LUZP2: variants seen among roughly 807,000 people sequenced by gnomAD.
The protein encoded by LUZP2 is leucine zipper protein 2.
Under a neutral mutation model 51.6 loss-of-function variants are expected in LUZP2, and 52 were observed. That is an observed-to-expected ratio of 1.01 (90% CI 0.81 to 1.27). The LOEUF (loss-of-function observed/expected upper bound fraction) is 1.27, where lower values mean the gene tolerates loss of function less well. LUZP2 is among the 50% of genes most tolerant of loss of function. LUZP2 has a pLI of 0.00. For missense variants in LUZP2, 436 were observed against 395.4 expected, an observed-to-expected ratio of 1.10 and a Z score of -0.87; for synonymous variants, 154 against 137.3, an observed-to-expected ratio of 1.12 and a Z score of -0.85.
chr11:24,543,518 T>TA (rs1326061501), intron 1 of LUZP2, among the ~76,000 whole-genome samples: 1 of 152,030 alleles, frequency 6.6e-6, no homozygotes, highest in Non-Finnish European at 1.5e-5. Context: ...CCTTGAGACA[T>TA]ACAGTTTGTA....
At chr11:24,956,725 G>A (rs970607565) in intron 7 of LUZP2, among the ~76,000 whole-genome samples, 1 of 152,000 alleles carries the variant, frequency 6.6e-6, no homozygotes, top group African/African-American at 2.4e-5. Flanking sequence ...GAGAAGGCTG[G>A]GAAGTAGTGA....
chr11:24,968,206 C>A (rs1247629635), intron 7 of LUZP2, among the ~76,000 whole-genome samples: 1 of 151,924 alleles, frequency 6.6e-6, no homozygotes, highest in Non-Finnish European at 1.5e-5. Flanking sequence ...TGAAATAGGC[C>A]TTATTCTAGG....
intron 1 of LUZP2, among the ~76,000 whole-genome samples, chr11:24,602,206 G>GTATATATGTATATATGTACATATA (rs1853722782): frequency 1.5e-5 from 1 of 67,710 alleles, no homozygotes; most frequent in African/African-American, 5.3e-5. Context: ...GTACATATAT[G>GTATATATGTATATATGTACATATA]TGTATATATG....
At chr11:24,637,441 A>G (rs1855142289) in intron 1 of LUZP2, among the ~76,000 whole-genome samples, 1 of 151,824 alleles carries the variant, frequency 6.6e-6, no homozygotes, top group South Asian at 2.1e-4. Context: ...ACAGAATAAC[A>G]GCTATTTTCA....
chr11:24,807,293 G>C (rs1057210456), intron 5 of LUZP2, among the ~76,000 whole-genome samples: 4 of 151,800 alleles, frequency 2.6e-5, no homozygotes, highest in African/African-American at 9.7e-5. Context: ...GTGAAACACT[G>C]TCTCTACTAA....
chr11:25,070,594 A>C (rs1859127348), intron 10 of LUZP2, among the ~76,000 whole-genome samples: 1 of 152,012 alleles, frequency 6.6e-6, no homozygotes, highest in Admixed American at 6.6e-5. Flanking sequence ...GCATCTTAGA[A>C]TCCTGCCTGT....
intron 7 of LUZP2, among the ~76,000 whole-genome samples, chr11:24,924,315 T>A (rs1854164236): frequency 6.6e-6 from 1 of 152,020 alleles, no homozygotes; most frequent in Admixed American, 6.5e-5. Context: ...TGACCTCAGG[T>A]GATCTGCCCG....
intron 5 of LUZP2, among the ~76,000 whole-genome samples, chr11:24,769,301 T>C (rs1019661327): frequency 6.6e-6 from 1 of 152,144 alleles, no homozygotes; most frequent in Non-Finnish European, 1.5e-5. Context: ...GTAGGAGAAA[T>C]AAGTTCTGCG....
rs574410492 is a variant in LUZP2 at position 24,930,816 on chromosome 11, G to A, written c.522+16278G>A. Among the ~76,000 whole-genome samples, 4 of 152,210 alleles carry A rather than the reference G, an allele frequency of 2.6e-5. No homozygotes were observed. In the East Asian group the frequency reaches 5.8e-4, roughly 22 times the overall value. On this transcript the variant is annotated intron_variant, in intron 7 of 11. Transcript: ENST00000336930. ...TTTCCTCAATTATTGCCTTAAATAT[G>A]TTTTCTAAACTTATAGATTTCTTTT... is the stretch of plus-strand genomic sequence containing the variant.
chr11:24,981,293 A>G (rs1406278234), intron 8 of LUZP2, among the ~76,000 whole-genome samples: 1 of 151,778 alleles, frequency 6.6e-6, no homozygotes, highest in African/African-American at 2.4e-5. Flanking sequence ...TTTTTAGACC[A>G]TATAGGGTAA....
intron 1 of LUZP2, among the ~76,000 whole-genome samples, chr11:24,650,257 A>G (rs1272475989): frequency 1.3e-5 from 2 of 152,042 alleles, no homozygotes; most frequent in Non-Finnish European, 2.9e-5. Flanking sequence ...AAAAATATCT[A>G]TAGTGTTATT....
intron 5 of LUZP2, among the ~76,000 whole-genome samples, chr11:24,836,632 C>T (rs991203005): frequency 7.9e-5 from 12 of 151,742 alleles, no homozygotes; most frequent in Non-Finnish European, 1.6e-4. Context: ...CAAGAAGATA[C>T]ATCACAATAG....
At chr11:24,597,566 A>G (rs954601757) in intron 1 of LUZP2, among the ~76,000 whole-genome samples, 2 of 152,220 alleles carry the variant, frequency 1.3e-5, no homozygotes, top group Admixed American at 1.3e-4. Flanking sequence ...TGCTTCCAGA[A>G]GATAATAACT....
chr11:24,595,691 A>T (rs764131149), intron 1 of LUZP2, among the ~76,000 whole-genome samples: 14 of 152,228 alleles, frequency 9.2e-5, no homozygotes, highest in Admixed American at 3.9e-4. Flanking sequence ...TGAAGCTAGG[A>T]TCAGAACATT....
chr11:24,973,585 T>C (rs369000379), intron 7 of LUZP2, among the ~76,000 whole-genome samples: 1 of 152,026 alleles, frequency 6.6e-6, no homozygotes, highest in South Asian at 2.1e-4. Context: ...TTTGGTGCTA[T>C]AAATTTCCTT....
In LUZP2 at chr11:24,649,669, G is replaced by C. The variant is rs1033980206; in HGVS notation, c.63-79500G>C. 4.0e-5 allele frequency among the ~76,000 whole-genome samples: 6 copies of C among 151,788 alleles called. No homozygotes were observed. The East Asian group carries it at 1.2e-3, about 29-fold the overall frequency. On this transcript the variant is annotated intron_variant, in intron 1 of 11. Coordinates refer to ENST00000336930, the MANE Select transcript of LUZP2 (RefSeq NM_001009909.4). ...TACTGTGCCTTCAGTAATAGCGATA[G>C]GTGTTATAACCTGAATCGGGAGTTT...
At chr11:24,801,835 T>C (rs554166504) in intron 5 of LUZP2, among the ~76,000 whole-genome samples, 10 of 151,266 alleles carry the variant, frequency 6.6e-5, no homozygotes, top group Non-Finnish European at 1.3e-4. Context: ...TACCACTTAA[T>C]AGCTGTCCCA....
In LUZP2 at chr11:24,705,882, G is replaced by A. The variant is rs74697533; in HGVS notation, c.63-23287G>A. ...ATGCAAATTGAAAATATGACAAACC[G>A]GCTACTCAAAATTCCAGCAATGGAA... On this transcript the variant is annotated intron_variant, in intron 1 of 11. Coordinates refer to ENST00000336930, the MANE Select transcript of LUZP2 (RefSeq NM_001009909.4). Among the ~76,000 whole-genome samples, 831 of 150,894 alleles carry A rather than the reference G, an allele frequency of 5.5e-3. 6 individuals carry two copies. The highest frequency in any genetic ancestry group is 0.019 in the African/African-American group (796 of 41,060).
intron 10 of LUZP2, among the ~76,000 whole-genome samples, chr11:25,065,528 G>A (rs1317709068): frequency 6.6e-6 from 1 of 151,892 alleles, no homozygotes; most frequent in Non-Finnish European, 1.5e-5. Context: ...AGGCCACAAA[G>A]CTAGTAGATT....
Sources: allele counts gnomAD v4.1 joint callset (sites outside exome capture counted in the v4.1 genomes callset), GRCh38; gene constraint gnomAD v4.1.1; transcripts MANE v1.5; gene names NCBI Gene and HGNC (gene_info 2026-07-23, HGNC 2026-07-21).